ATP6V1E1: variants seen among roughly 807,000 people sequenced by gnomAD.
The protein encoded by ATP6V1E1 is V-type proton ATPase subunit E 1.
A neutral mutation model predicts 35.2 loss-of-function variants in ATP6V1E1; 21 were observed. The ratio of observed to expected loss-of-function variants is 0.60; its 90% CI spans 0.42 to 0.86. The LOEUF (loss-of-function observed/expected upper bound fraction) is 0.86. Among genes scored for constraint, ATP6V1E1 ranks in the 40% least tolerant of loss-of-function variants. The pLI, the probability that ATP6V1E1 is intolerant of heterozygous loss-of-function variation, is 0.00. For missense variants in ATP6V1E1, 183 were observed against 272.6 expected, an observed-to-expected ratio of 0.67 and a Z score of 2.32; for synonymous variants, 83 against 87.8, an observed-to-expected ratio of 0.95 and a Z score of 0.30.
intron 2 of ATP6V1E1, among the ~76,000 whole-genome samples, chr22:17,615,178 G>A (rs925210404): frequency 6.6e-6 from 1 of 151,834 alleles, no homozygotes; most frequent in Admixed American, 6.6e-5. Flanking sequence ...GCGGGCGCCT[G>A]TAGTTCAAGA....
intron 7 of ATP6V1E1, among the ~76,000 whole-genome samples, chr22:17,597,745 C>G (rs941196855): frequency 6.6e-6 from 1 of 152,046 alleles, no homozygotes; most frequent in Non-Finnish European, 1.5e-5. Context: ...ATTCTCCTGC[C>G]TCAGCCTCCT....
At chr22:17,620,401 C>A (rs1044071272) in intron 1 of ATP6V1E1, among the ~76,000 whole-genome samples, 3 of 151,980 alleles carry the variant, frequency 2.0e-5, no homozygotes, top group Non-Finnish European at 4.4e-5. Context: ...CCCGCCTCAG[C>A]CTCCCAAAGT....
At chr22:17,607,364 GCCAGGATGATCTCGATCT>G (rs2057792101) in intron 4 of ATP6V1E1, among the ~76,000 whole-genome samples, 1 of 151,972 alleles carries the variant, frequency 6.6e-6, no homozygotes, top group Non-Finnish European at 1.5e-5. Context: ...CACCATGTTT[GCCAGGATGATCTCGATCT>G]CCTGACCTCA....
intron 1 of ATP6V1E1, among the ~76,000 whole-genome samples, chr22:17,621,081 T>C (rs2057874621): frequency 6.6e-6 from 1 of 152,012 alleles, no homozygotes; most frequent in Non-Finnish European, 1.5e-5. Flanking sequence ...AATAGTTCTT[T>C]ACCTTGCCCA....
rs1376157012 is a variant in ATP6V1E1, at chr22:17,596,890, A to T, written c.530+1304T>A. On this transcript the variant is annotated intron_variant, in intron 7 of 8. Transcript: ENST00000253413. Reference sequence around the variant, plus strand: ...CCAGGTCCCATAGTAGCAAAAGGCCAAGATAGGACTCAAATCTAGGTCTTA... The same window carrying T: ...CCAGGTCCCATAGTAGCAAAAGGCCTAGATAGGACTCAAATCTAGGTCTTA... Among the ~76,000 whole-genome samples, 4 of 152,200 alleles carry T rather than the reference A, an allele frequency of 2.6e-5. 1 individual carries two copies. The highest frequency in any genetic ancestry group is 9.7e-5 in the African/African-American group (4 of 41,450).
At chr22:17,609,118 C>CA (rs59590175) in intron 4 of ATP6V1E1, among the ~76,000 whole-genome samples, 13,846 of 108,418 alleles carry the variant, frequency 0.13, 686 homozygotes, top group African/African-American at 0.18. Context: ...ACAAAACAAA[C>CA]AAACAAACAA....
intron 4 of ATP6V1E1, among the ~76,000 whole-genome samples, chr22:17,605,765 A>C (rs897243502): frequency 2.1e-5 from 3 of 141,174 alleles, no homozygotes; most frequent in Non-Finnish European, 3.0e-5. Context: ...TGGCACAATC[A>C]TAGCTCAATC....
intron 4 of ATP6V1E1, among the ~76,000 whole-genome samples, chr22:17,604,317 T>C (rs192099612): frequency 1.2e-3 from 176 of 152,318 alleles, no homozygotes; most frequent in African/African-American, 4.1e-3. Flanking sequence ...TGTAAACTAC[T>C]GCAGTTCACA....
chr22:17,604,594 A>G (rs2057776242), intron 4 of ATP6V1E1, among the ~76,000 whole-genome samples: 1 of 148,284 alleles, frequency 6.7e-6, no homozygotes, highest in African/African-American at 2.5e-5. Context: ...ATCTCGGCTC[A>G]CTGCAACCTC....
At chr22:17,608,450 G>C (rs899896515) in intron 4 of ATP6V1E1, among the ~76,000 whole-genome samples, 1 of 152,158 alleles carries the variant, frequency 6.6e-6, no homozygotes, top group Non-Finnish European at 1.5e-5. Context: ...TTTAGAGACA[G>C]GGTCTCCCTG....
chr22:17,628,501 G>A (rs2057937303), intron 1 of ATP6V1E1, 102 bp downstream of exon 1: 15 of 1,499,156 alleles, frequency 1.0e-5, no homozygotes, highest in Admixed American at 5.0e-5. Flanking sequence ...ACCTTCCTGC[G>A]GCATCTGGGC....
At chr22:17,621,643 T>G (rs911235945) in intron 1 of ATP6V1E1, among the ~76,000 whole-genome samples, 1 of 152,178 alleles carries the variant, frequency 6.6e-6, no homozygotes, top group Non-Finnish European at 1.5e-5. Flanking sequence ...CCTTCACTAC[T>G]CACCATCTTC....
chr22:17,613,579 A>G (rs1568889259), intron 2 of ATP6V1E1, among the ~76,000 whole-genome samples: 1 of 149,008 alleles, frequency 6.7e-6, no homozygotes, highest in Non-Finnish European at 1.5e-5. Flanking sequence ...ATAATTGGGT[A>G]GAATATTCTG....
chr22:17,617,752 C>A (rs1428576479), intron 2 of ATP6V1E1, among the ~76,000 whole-genome samples: 1 of 152,164 alleles, frequency 6.6e-6, no homozygotes, highest in Non-Finnish European at 1.5e-5. Context: ...TGGAAGGTCA[C>A]CTTTGTAATG....
intron 1 of ATP6V1E1, among the ~76,000 whole-genome samples, chr22:17,624,608 C>T (rs571374002): frequency 2.0e-5 from 3 of 151,972 alleles, no homozygotes; most frequent in East Asian, 1.9e-4. Flanking sequence ...CCCACCACTT[C>T]GGAGGTTCAA....
chr22:17,593,209 T>C (rs954644515), intron 8 of ATP6V1E1, among the ~76,000 whole-genome samples: 1 of 152,060 alleles, frequency 6.6e-6, no homozygotes, highest in African/African-American at 2.4e-5. Flanking sequence ...AACACATTCC[T>C]TGGTGAGAAA....
Position 17,628,727 on chromosome 22 carries a change from G to A in ATP6V1E1, c.-92C>T. On this transcript the variant is annotated 5_prime_UTR_variant, in exon 1 of 9. Transcript: ENST00000253413. ...AATCGGCAAAGGGAACCCCTGCGCA[G>A]ATCTCGGGTTCCTTTACTTTATAAC... 6 of 1,557,052 alleles carry A rather than the reference G, an allele frequency of 3.9e-6. No individual in the cohort carries two copies. Among genetic ancestry groups the A allele is most frequent in the East Asian group, 2.2e-5 (1 of 44,580 alleles).
intron 4 of ATP6V1E1, among the ~76,000 whole-genome samples, chr22:17,612,275 C>T (rs558342594): frequency 2.6e-5 from 4 of 152,188 alleles, no homozygotes; most frequent in African/African-American, 9.6e-5. Flanking sequence ...TGAATATAAT[C>T]CAAATAGCTC....
At chr22:17,608,628 A>G (rs553286480) in intron 4 of ATP6V1E1, among the ~76,000 whole-genome samples, 75 of 152,198 alleles carry the variant, frequency 4.9e-4, no homozygotes, top group Admixed American at 4.5e-3. Context: ...GGGTCTCCCT[A>G]TATTTATCAG....
Sources: gnomAD v4.1 joint callset for allele counts (sites outside exome capture counted in the v4.1 genomes callset) on GRCh38, gnomAD v4.1.1 for gene constraint, MANE v1.5 for transcripts, NCBI Gene and HGNC (gene_info 2026-07-23, HGNC 2026-07-21) for gene names.